Variants in STATH observed in about 807,000 individuals in gnomAD.
The protein encoded by STATH is statherin.
STATH carries 11 observed loss-of-function variants against 13.3 expected under a neutral mutation model. That is an observed-to-expected ratio of 0.83 (90% CI 0.52 to 1.37). STATH has a LOEUF of 1.37. Ranked by LOEUF, STATH falls within the 40% of genes most tolerant of loss-of-function variation. The pLI, the probability that STATH is intolerant of heterozygous loss-of-function variation, is 0.00. For missense variants in STATH, 78 were observed against 73.3 expected, an observed-to-expected ratio of 1.06 and a Z score of -0.24; for synonymous variants, 25 against 23.6, an observed-to-expected ratio of 1.06 and a Z score of -0.17.
At position 69,998,457 on chromosome 4, in the gene STATH, C is replaced by T. The variant is rs1428332047; in HGVS notation, c.20C>T (p.Ala7Val). The change falls in exon 2 of 6, where the codon GCC becomes GTC. Residue 7 changes from alanine to valine, a missense_variant. By Grantham distance (64) the Ala-to-Val change is moderately conservative. Transcript: ENST00000246895. The stretch of plus-strand genomic sequence containing the variant: ...CCAACTATGAAGTTCCTTGTCTTTG[C>T]CTTCATCTTGGCTCTCATGGTTTCC... MKFLVF[A>V]FILALMVSMI... The T allele has an allele frequency of 4.3e-6, 7 of 1,612,432 alleles. No individual in the cohort carries two copies. The African/African-American group carries it at 9.4e-5, about 22-fold the overall frequency.
At chr4:70,000,109 A>G (rs1724615180) in intron 4 of STATH, 1 of 358,278 alleles carries the variant, frequency 2.8e-6, no homozygotes, top group African/African-American at 2.1e-5. Context: ...TCTGTTAATT[A>G]TAATATATGC....
intron 4 of STATH, 124 bp from the exon 5 acceptor site, chr4:70,000,739 G>GA (rs929468151): frequency 5.7e-6 from 4 of 706,634 alleles, no homozygotes; most frequent in Non-Finnish European, 9.7e-6. Context: ...TGAAAGTTTG[G>GA]AAAAAAATCT....
At chr4:69,997,030 C>T (rs1463549827) in intron 1 of STATH, among the ~76,000 whole-genome samples, 3 of 151,098 alleles carry the variant, frequency 2.0e-5, no homozygotes, top group East Asian at 2.0e-4. Flanking sequence ...CTCCACCTCC[C>T]GGGCTCAAGT....
chr4:70,000,418 A>T (rs2109683082), intron 4 of STATH: 1 of 162,748 alleles, frequency 6.1e-6, no homozygotes, highest in Non-Finnish European at 1.4e-5. Context: ...TGTTAACAGA[A>T]GGAAGAAGTA....
chr4:69,998,618 A>G (rs1724570419), intron 2 of STATH, 130 bp downstream of exon 2: 1 of 720,834 alleles, frequency 1.4e-6, no homozygotes, highest in Non-Finnish European at 2.1e-6. Context: ...TTTCCATATG[A>G]ACTTTTTTTT....
intron 4 of STATH, 99 bp downstream of exon 4, chr4:69,999,908 A>G: frequency 7.4e-7 from 1 of 1,343,462 alleles, no homozygotes; most frequent in East Asian, 2.3e-5. Context: ...AAATATGTGT[A>G]GTAGTTGCAA....
intron 5 of STATH, 134 bp from the exon 6 acceptor site, chr4:70,002,055 A>T (rs975779983): frequency 2.0e-5 from 3 of 151,778 alleles, no homozygotes; most frequent in Admixed American, 1.3e-4. Context: ...CTCTGTGTCA[A>T]ATATTATTTT....
chr4:69,997,089 C>T (rs546004345), intron 1 of STATH, among the ~76,000 whole-genome samples: 94 of 151,882 alleles, frequency 6.2e-4, no homozygotes, highest in Non-Finnish European at 1.1e-3. Flanking sequence ...AGGCACTCAC[C>T]ACCATGCCCA....
chr4:69,999,178 T>G (rs1198602589), intron 2 of STATH: 1 of 153,270 alleles, frequency 6.5e-6, no homozygotes, highest in Non-Finnish European at 1.5e-5. Flanking sequence ...TGGTAAATTC[T>G]AACAGATATT....
intron 2 of STATH, chr4:69,999,173 A>G (rs1724582014): frequency 6.5e-6 from 1 of 153,142 alleles, no homozygotes; most frequent in Non-Finnish European, 1.5e-5. Flanking sequence ...TTACCTGGTA[A>G]ATTCTAACAG....
In STATH at chr4:70,000,901, A is replaced by G. The variant is rs760912062; in HGVS notation, c.141A>G (p.Pro47=). 23 of 1,611,752 alleles carry G rather than the reference A, an allele frequency of 1.4e-5. No homozygotes were observed. The highest frequency in any genetic ancestry group is 8.5e-7 in the Non-Finnish European group (1 of 1,178,668). ...YGPYQPVPEQ[P]LYPQPYQPQY... ...CTTATCAGCCAGTTCCAGAACAACC[A>G]CTATACCCACAACCATACCAACCAC... Residue 47 remains proline (P), a synonymous_variant, in exon 5 of 6, where the codon CCA becomes CCG. Transcript: ENST00000246895.
chr4:69,996,879 C>T (rs1724518821), intron 1 of STATH, among the ~76,000 whole-genome samples: 1 of 149,890 alleles, frequency 6.7e-6, no homozygotes, highest in African/African-American at 2.5e-5. Flanking sequence ...GATAGAAAAA[C>T]CCCAAAGTAC....
At chr4:70,000,069 T>A (rs1408058501) in intron 4 of STATH, 2 of 441,694 alleles carry the variant, frequency 4.5e-6, no homozygotes, top group Non-Finnish European at 8.1e-6. Context: ...AAGTAATCAC[T>A]TTGACCTAAA....
At chr4:69,998,183 G>A (rs1168037101) in intron 1 of STATH, among the ~76,000 whole-genome samples, 1 of 151,990 alleles carries the variant, frequency 6.6e-6, no homozygotes, top group South Asian at 2.1e-4. Flanking sequence ...CTCTTGGTCT[G>A]TGTAAGGTGT....
chr4:69,999,668 G>A lies in STATH; in HGVS notation c.53G>A (p.Gly18Glu). Reference protein sequence around the residue: ...FILALMVSMIGADSSEEKFLR... With the variant: ...FILALMVSMIEADSSEEKFLR... The stretch of plus-strand genomic sequence containing the variant: ...TTGTCTAATTTTCTGTTTTCTAAGG[G>A]AGCTGATTCATCTGAAGAGGTGAGT... Residue 18 changes from glycine (G) to glutamate (E), a missense_variant and splice_region_variant, in exon 3 of 6, where the codon GGA (glycine) becomes GAA (glutamate). Coordinates refer to ENST00000246895, the MANE Select transcript of STATH (RefSeq NM_003154.3). 1 of 1,610,480 alleles carries A rather than the reference G, an allele frequency of 6.2e-7. No individual in the cohort carries two copies.
chr4:69,998,061 A>T (rs1237459327), intron 1 of STATH, among the ~76,000 whole-genome samples: 1 of 152,034 alleles, frequency 6.6e-6, no homozygotes, highest in Non-Finnish European at 1.5e-5. Context: ...TTGCACTTTC[A>T]ATATGGTATC....
At chr4:70,001,110 C>G (rs998714264) in intron 5 of STATH, 128 bp downstream of exon 5, 1 of 614,286 alleles carries the variant, frequency 1.6e-6, no homozygotes, top group African/African-American at 1.9e-5. Context: ...CTGTATAGCT[C>G]CTTGAAATGT....
chr4:70,002,086 T>C (rs986536149), intron 5 of STATH, 103 bp from the exon 6 acceptor site: 3 of 151,780 alleles, frequency 2.0e-5, no homozygotes, highest in Non-Finnish European at 4.4e-5. Flanking sequence ...TTTTATAAAC[T>C]ATAATTGTAT....
chr4:69,997,318 C>G (rs1177170718), intron 1 of STATH, among the ~76,000 whole-genome samples: 5 of 151,876 alleles, frequency 3.3e-5, no homozygotes, highest in Admixed American at 3.3e-4. Context: ...ATCATGAGTT[C>G]TGCTTTATGT....
Sources: allele counts gnomAD v4.1 joint callset (sites outside exome capture counted in the v4.1 genomes callset), GRCh38; gene constraint gnomAD v4.1.1; transcripts MANE v1.5; gene names NCBI Gene and HGNC (gene_info 2026-07-23, HGNC 2026-07-21).